Variants in C12orf50 observed in about 807,000 individuals in gnomAD.
C12orf50 encodes the protein zinc finger CCCH-type containing 11D.
In C12orf50, 35 loss-of-function variants were observed where a neutral mutation model predicts 61.6. The observed-to-expected ratio is 0.57, with a 90% confidence interval of 0.43 to 0.75. C12orf50 has a LOEUF of 0.75. Among genes scored for constraint, C12orf50 ranks in the 30% least tolerant of loss-of-function variants. The pLI, the probability that C12orf50 is intolerant of heterozygous loss-of-function variation, is 0.00. For synonymous variants in C12orf50, 178 were observed against 161.5 expected, an observed-to-expected ratio of 1.10 and a Z score of -0.77; for missense variants, 475 against 488.5, an observed-to-expected ratio of 0.97 and a Z score of 0.26.
intron 3 of C12orf50, 46 bp downstream of exon 3, chr12:88,026,442 C>A: frequency 1.9e-6 from 3 of 1,586,726 alleles, no homozygotes; most frequent in Non-Finnish European, 1.7e-6. Context: ...AGTCCAAAAC[C>A]AGATTAGAAT....
intron 7 of C12orf50, 139 bp downstream of exon 7, chr12:87,994,494 T>C: frequency 3.1e-6 from 2 of 643,552 alleles, no homozygotes; most frequent in Non-Finnish European, 5.2e-6. Flanking sequence ...TGAAAGCAAC[T>C]GATTTTGTGA....
chr12:88,007,781 A>G (rs1273841374), intron 3 of C12orf50, among the ~76,000 whole-genome samples: 2 of 152,194 alleles, frequency 1.3e-5, no homozygotes, highest in Non-Finnish European at 2.9e-5. Flanking sequence ...ATTTTCTTAT[A>G]TAATTGTACT....
intron 3 of C12orf50, among the ~76,000 whole-genome samples, chr12:88,009,064 T>C (rs909165338): frequency 3.3e-5 from 5 of 152,142 alleles, no homozygotes; most frequent in African/African-American, 1.2e-4. Flanking sequence ...CATTTGACGG[T>C]TTCTAGCCTT....
At chr12:87,987,797 C>T in intron 9 of C12orf50, 53 bp downstream of exon 9, 1 of 1,129,470 alleles carries the variant, frequency 8.9e-7, no homozygotes, top group Non-Finnish European at 1.3e-6. Flanking sequence ...AAAACAAATC[C>T]ATGGTAAGAC....
rs952886499 is a variant in C12orf50, at chr12:88,003,326, T to A, written c.134-5136A>T. 4.6e-5 allele frequency among the ~76,000 whole-genome samples: 7 copies of A among 152,078 alleles called. No individual in the cohort carries two copies. In the East Asian group the frequency reaches 7.7e-4, roughly 17 times the overall value. ...TTGTATGTATTGTTTTATAAAATTT[T>A]AAAATCAGATTATAGAAGGAAAAGA... On this transcript the variant is annotated intron_variant, in intron 3 of 12. Transcript: ENST00000298699.
At chr12:88,025,596 G>T (rs909972530) in intron 3 of C12orf50, among the ~76,000 whole-genome samples, 1 of 152,132 alleles carries the variant, frequency 6.6e-6, no homozygotes, top group Admixed American at 6.5e-5. Context: ...AAAATTAGCT[G>T]GGTGTGGCGG....
intron 11 of C12orf50, 88 bp downstream of exon 11, chr12:87,985,759 AAGT>A: frequency 8.0e-7 from 1 of 1,245,342 alleles, no homozygotes; most frequent in South Asian, 1.2e-5. Flanking sequence ...AGAGGGGAGT[AAGT>A]AGTAGTGAAG....
intron 3 of C12orf50, among the ~76,000 whole-genome samples, chr12:88,013,783 G>A (rs1222850574): frequency 1.3e-5 from 2 of 152,136 alleles, no homozygotes; most frequent in African/African-American, 4.8e-5. Context: ...AAGTTGGGGG[G>A]AAAACAAAAG....
chr12:87,989,546 A>G (rs1010906660), intron 7 of C12orf50, among the ~76,000 whole-genome samples, 175 bp from the exon 8 acceptor site: 1 of 152,118 alleles, frequency 6.6e-6, no homozygotes, highest in African/African-American at 2.4e-5. Context: ...ATGAGTATTA[A>G]TATATATGTA....
chr12:87,987,665 G>A (rs2030893081), intron 9 of C12orf50, among the ~76,000 whole-genome samples, 185 bp downstream of exon 9: 1 of 152,134 alleles, frequency 6.6e-6, no homozygotes, highest in Non-Finnish European at 1.5e-5. Context: ...TAATTTACTA[G>A]GACCTACATC....
chr12:87,996,391 C>A lies in C12orf50; in HGVS notation c.464G>T (p.Gly155Val), dbSNP rs73422110. Residue 155 changes from glycine to valine, a missense_variant, in exon 6 of 13, where the codon GGC becomes GTC. Gly to Val is a moderately radical substitution (Grantham distance 109). Transcript: ENST00000298699. ...TTTCTTACCTTCTTGCAATTCACTGCCATTTTCCAAAGGCTTTTCTAACTG... is the reference window on the plus strand; with the variant it reads ...TTTCTTACCTTCTTGCAATTCACTGACATTTTCCAAAGGCTTTTCTAACTG... ...EKQLEKPLEN[G>V]SELQEGDSLT... 202 of 1,610,684 alleles carry A rather than the reference C, an allele frequency of 1.3e-4. 1 individual carries two copies. In the African/African-American group the frequency reaches 2.6e-3, roughly 21 times the overall value.
chr12:88,020,834 C>A (rs74495440), intron 3 of C12orf50, among the ~76,000 whole-genome samples: 1 of 151,604 alleles, frequency 6.6e-6, no homozygotes, highest in Admixed American at 6.6e-5. Context: ...TCATACCAAC[C>A]ATGCCCTCAG....
chr12:88,012,514 A>G (rs971625551), intron 3 of C12orf50, among the ~76,000 whole-genome samples: 21 of 152,320 alleles, frequency 1.4e-4, no homozygotes, highest in Middle Eastern at 6.8e-3. Context: ...AAATTCACAG[A>G]GCAGAGGTTC....
rs182179857 is a variant in C12orf50, at chr12:88,010,421, A to T, written c.134-12231T>A. ...ATCTTATAATAAGATTATAAGATTA[A>T]AATTATTATAATCTTATAATAAGAT... is the stretch of plus-strand genomic sequence containing the variant. On this transcript the variant is annotated intron_variant, in intron 3 of 12. Coordinates refer to ENST00000298699, the MANE Select transcript of C12orf50 (RefSeq NM_152589.3). Among the ~76,000 whole-genome samples the T allele has an allele frequency of 5.6e-3, 692 of 123,158 alleles. 7 individuals carry two copies. The highest frequency in any genetic ancestry group is 0.019 in the South Asian group (78 of 4,204). 80.8% of individuals were successfully genotyped at this position (123,158 alleles called of 152,430 possible).
At chr12:87,997,400 A>C (rs2031444789) in intron 4 of C12orf50, among the ~76,000 whole-genome samples, 1 of 152,060 alleles carries the variant, frequency 6.6e-6, no homozygotes, top group Non-Finnish European at 1.5e-5. Flanking sequence ...ATAAATATCT[A>C]TATATATACA....
intron 3 of C12orf50, among the ~76,000 whole-genome samples, chr12:88,008,068 T>A (rs1465943915): frequency 2.0e-5 from 3 of 151,770 alleles, no homozygotes; most frequent in African/African-American, 4.9e-5. Context: ...CTTTTTTTTT[T>A]ATCTTTTCTT....
intron 3 of C12orf50, among the ~76,000 whole-genome samples, chr12:88,004,289 GA>G (rs1040361587): frequency 1.3e-5 from 2 of 152,016 alleles, no homozygotes; most frequent in Non-Finnish European, 2.9e-5. Context: ...ACAAGCATAT[GA>G]AAAAATGCTC....
At chr12:87,987,690 GAGTT>G (rs141375032) in intron 9 of C12orf50, among the ~76,000 whole-genome samples, 156 bp downstream of exon 9, 3,090 of 152,242 alleles carry the variant, frequency 0.02, 42 homozygotes, top group Non-Finnish European at 0.031. Flanking sequence ...CTCATTGTCA[GAGTT>G]AGTTAGTAGA....
intron 3 of C12orf50, among the ~76,000 whole-genome samples, chr12:88,002,015 T>C (rs2031674980): frequency 6.6e-6 from 1 of 151,824 alleles, no homozygotes; most frequent in African/African-American, 2.4e-5. Flanking sequence ...GCTTTAATTT[T>C]TATTATGTGC....
Sources: gnomAD v4.1 joint callset for allele counts (sites outside exome capture counted in the v4.1 genomes callset) on GRCh38, gnomAD v4.1.1 for gene constraint, MANE v1.5 for transcripts, NCBI Gene and HGNC (gene_info 2026-07-23, HGNC 2026-07-21) for gene names.